Variants in KLC1 observed in about 807,000 individuals in gnomAD.
KLC1 encodes the protein kinesin 2 60/70kDa.
A neutral mutation model predicts 84.2 loss-of-function variants in KLC1; 30 were observed. The observed-to-expected ratio is 0.36, with a 90% CI of 0.27 to 0.48. The LOEUF (loss-of-function observed/expected upper bound fraction) is 0.48. Among genes scored for constraint, KLC1 ranks in the 20% least tolerant of loss-of-function variants. KLC1 has a pLI of 0.99. For missense variants in KLC1, 499 were observed against 805.4 expected, an observed-to-expected ratio of 0.62 and a Z score of 4.60; for synonymous variants, 289 against 293.3, an observed-to-expected ratio of 0.99 and a Z score of 0.15.
intron 1 of KLC1, among the ~76,000 whole-genome samples, chr14:103,634,249 G>A (rs952683755): frequency 3.3e-5 from 5 of 152,138 alleles, no homozygotes; most frequent in Non-Finnish European, 5.9e-5. Context: ...AGGATGGGGA[G>A]TTTTGTCTCT....
chr14:103,672,940 T>C (rs776352172), intron 7 of KLC1, 74 bp from the exon 8 acceptor site: 12 of 1,345,182 alleles, frequency 8.9e-6, no homozygotes, highest in Non-Finnish European at 1.3e-5. Context: ...AAGATCCTGA[T>C]GTGACAGTAG....
chr14:103,632,251 C>T (rs930185858), intron 1 of KLC1, among the ~76,000 whole-genome samples: 3 of 151,902 alleles, frequency 2.0e-5, no homozygotes, highest in Non-Finnish European at 4.4e-5. Context: ...CATGGTGAAA[C>T]CCCGTCCCTA....
intron 12 of KLC1, 131 bp downstream of exon 12, chr14:103,677,654 T>C (rs1204747948): frequency 1.5e-6 from 1 of 666,550 alleles, no homozygotes; most frequent in African/African-American, 1.8e-5. Context: ...ACAAATAAAG[T>C]TATATTGTTT....
chr14:103,688,720 G>A (rs1220736231), intron 14 of KLC1, among the ~76,000 whole-genome samples: 3 of 152,164 alleles, frequency 2.0e-5, no homozygotes, highest in African/African-American at 7.2e-5. Context: ...GCTTTTGTAA[G>A]GAGCTTCTCA....
chr14:103,648,372 T>TAC (rs1383002738), intron 1 of KLC1, among the ~76,000 whole-genome samples: 1 of 152,234 alleles, frequency 6.6e-6, no homozygotes, highest in African/African-American at 2.4e-5. Context: ...CAAGTTGCGA[T>TAC]ACAGGTATTT....
At chr14:103,657,326 T>A (rs1241943687) in intron 2 of KLC1, among the ~76,000 whole-genome samples, 3 of 152,184 alleles carry the variant, frequency 2.0e-5, no homozygotes, top group Non-Finnish European at 4.4e-5. Flanking sequence ...AGTATTTTTT[T>A]GTAGGCATTC....
intron 1 of KLC1, among the ~76,000 whole-genome samples, chr14:103,649,378 G>C (rs1311245026): frequency 6.6e-6 from 1 of 151,924 alleles, no homozygotes; most frequent in East Asian, 1.9e-4. Flanking sequence ...ACAATTATAG[G>C]GTTTTTTTGG....
intron 13 of KLC1, chr14:103,685,763 T>A: frequency 1.6e-6 from 2 of 1,277,092 alleles, no homozygotes; most frequent in Non-Finnish European, 2.0e-6. Context: ...GAGCTGCACC[T>A]CTCTGTGAAC....
At chr14:103,672,367 C>T (rs1010900824) in intron 7 of KLC1, among the ~76,000 whole-genome samples, 1 of 152,120 alleles carries the variant, frequency 6.6e-6, no homozygotes, top group African/African-American at 2.4e-5. Flanking sequence ...TGCCAGACCC[C>T]TTTTTCGATG....
At chr14:103,690,997 T>C (rs532757002) in intron 14 of KLC1, among the ~76,000 whole-genome samples, 3 of 152,176 alleles carry the variant, frequency 2.0e-5, no homozygotes, top group East Asian at 3.9e-4. Flanking sequence ...AGATAAAAAA[T>C]ATGACAGTAT....
At chr14:103,637,686 T>C (rs1206763996) in intron 1 of KLC1, among the ~76,000 whole-genome samples, 1 of 152,172 alleles carries the variant, frequency 6.6e-6, no homozygotes, top group Non-Finnish European at 1.5e-5. Flanking sequence ...TGTTAATGTT[T>C]TCTTTTTAAA....
intron 14 of KLC1, among the ~76,000 whole-genome samples, chr14:103,688,644 C>T (rs973712209): frequency 4.6e-5 from 7 of 151,866 alleles, no homozygotes; most frequent in Non-Finnish European, 1.0e-4. Flanking sequence ...GAGTCTCTGT[C>T]GTGGATGGAG....
chr14:103,672,380 G>T (rs930195387), intron 7 of KLC1, among the ~76,000 whole-genome samples: 1 of 152,152 alleles, frequency 6.6e-6, no homozygotes. Context: ...TTTCGATGCG[G>T]AGATTACATT....
chr14:103,664,664 A>G (rs912296224), intron 5 of KLC1, among the ~76,000 whole-genome samples: 4 of 151,276 alleles, frequency 2.6e-5, no homozygotes, highest in African/African-American at 4.9e-5. Flanking sequence ...ACAGGCATGC[A>G]CCACTACACC....
intron 12 of KLC1, among the ~76,000 whole-genome samples, chr14:103,678,269 T>C (rs766023045): frequency 6.8e-6 from 1 of 146,614 alleles, no homozygotes; most frequent in Non-Finnish European, 1.5e-5. Context: ...TCTCAAAAAT[T>C]AAAATAAAAT....
At chr14:103,668,607 A>G (rs2080098657) in intron 5 of KLC1, among the ~76,000 whole-genome samples, 1 of 151,768 alleles carries the variant, frequency 6.6e-6, no homozygotes, top group Non-Finnish European at 1.5e-5. Context: ...CGTCCCCAGC[A>G]GCTGGGACAA....
At chr14:103,691,273 C>T (rs1214903618) in intron 14 of KLC1, among the ~76,000 whole-genome samples, 1 of 151,530 alleles carries the variant, frequency 6.6e-6, no homozygotes, top group East Asian at 1.9e-4. Context: ...AATCTTGTGC[C>T]TCAGCCTCCA....
chr14:103,693,713 C>T lies in KLC1; in HGVS notation c.1848+1288C>T, dbSNP rs973882591. The T allele has an allele frequency of 1.3e-6, 2 of 1,489,626 alleles. No individual in the cohort carries two copies. Among genetic ancestry groups the T allele is most frequent in the Non-Finnish European group, 8.9e-7 (1 of 1,123,626 alleles). 92.3% of individuals were successfully genotyped at this position (1,489,626 alleles called of 1,614,324 possible). A position where few individuals can be genotyped will look rare whatever the true frequency, so the allele number is the denominator to read the frequency against. On this transcript the variant is annotated intron_variant, in intron 15 of 16. Transcript: ENST00000334553. The surrounding 1 kb of genome is among the most constrained non-coding windows in gnomAD (Gnocchi z 5.1). ...CCTGCCCGGAGGCGCCAGCCGCACT[C>T]CTTGGCTTCCTTTCCTAGATAGTGA... is the stretch of plus-strand genomic sequence containing the variant.
Position 103,694,680 on chromosome 14 carries a change from T to C in KLC1, c.1848+2255T>C, listed in dbSNP as rs1203176205. The C allele has an allele frequency of 1.0e-6, 1 of 985,464 alleles. No homozygotes were observed. The highest frequency in any genetic ancestry group is 6.1e-5 in the Admixed American group (1 of 16,282). 61.0% of individuals were successfully genotyped at this position (985,464 alleles called of 1,614,324 possible). On this transcript the variant is annotated intron_variant, in intron 15 of 16. Transcript: ENST00000334553. This position sits in a 1 kb window ranked among gnomAD's most constrained non-coding sequence, Gnocchi z 4.5. ...TAGGCTACGGGATGGAGGGGCGGTC[T>C]GTGAAACACCAGCCATCCCGTGAAA... is the stretch of plus-strand genomic sequence containing the variant.
Sources: allele counts gnomAD v4.1 joint callset (sites outside exome capture counted in the v4.1 genomes callset), GRCh38; gene constraint gnomAD v4.1.1; non-coding constraint Gnocchi (gnomAD v3.1); transcripts MANE v1.5; gene names NCBI Gene and HGNC (gene_info 2026-07-23, HGNC 2026-07-21).